UGT1A5: variants seen among roughly 807,000 people sequenced by gnomAD.
UGT1A5 encodes the protein UDP-glucuronosyltransferase 1A5.
In UGT1A5, 29 loss-of-function variants were observed where a neutral mutation model predicts 40.3. The observed-to-expected ratio is 0.72, with a 90% confidence interval of 0.54 to 0.98. UGT1A5 has a LOEUF of 0.98. Ranked by LOEUF, UGT1A5 falls within the 50% of genes least tolerant of loss-of-function variation. The pLI is 0.00. For synonymous variants in UGT1A5, 257 were observed against 262.5 expected (o/e 0.98, Z 0.20); for missense variants, 678 against 677.9 (o/e 1.00, Z 0.00).
rs759077293 is a variant in UGT1A5, at chr2:233,769,522, C to T, written c.1307+1083C>T. On this transcript the variant is annotated intron_variant, in intron 4 of 4. Transcript: ENST00000373414. The surrounding 1 kb of genome is among the most constrained non-coding windows in gnomAD (Gnocchi z 4.4). ...GTCCATTGCTTTCTCCCATGGTTAC[C>T]TCCTTTAGAAAGAAGCAGCAGTCAG... 1.2e-6 allele frequency: 2 copies of T among 1,612,844 alleles called. No individual in the cohort carries two copies. The highest frequency in any genetic ancestry group is 1.7e-6 in the Non-Finnish European group (2 of 1,179,866).
chr2:233,730,374 G>C (rs986236610), intron 1 of UGT1A5, among the ~76,000 whole-genome samples: 2 of 152,170 alleles, frequency 1.3e-5, no homozygotes, highest in African/African-American at 4.8e-5. Flanking sequence ...ATGATTTTCA[G>C]GGGAAAGATG....
In UGT1A5 at chr2:233,713,006, C is replaced by T. The variant is rs755278737; in HGVS notation, c.15C>T (p.Leu5=). The change falls in exon 1 of 5, where the codon CTC becomes CTT. Residue 5 remains leucine (L), a synonymous_variant. Coordinates refer to ENST00000373414, the MANE Select transcript of UGT1A5 (RefSeq NM_019078.2). The part of the protein sequence containing the change: MATG[L]QVPLPQLATG... ...CTTCTGCTGAGATGGCCACAGGACT[C>T]CAGGTTCCCCTGCCGCAGCTGGCCA... is the stretch of plus-strand genomic sequence containing the variant. The T allele has an allele frequency of 2.5e-6, 4 of 1,613,544 alleles. No individual in the cohort carries two copies. The highest frequency in any genetic ancestry group is 3.4e-6 in the Non-Finnish European group (4 of 1,180,026).
intron 1 of UGT1A5, among the ~76,000 whole-genome samples, chr2:233,725,356 T>C (rs148228009): frequency 7.0e-6 from 1 of 143,138 alleles, no homozygotes; most frequent in East Asian, 2.0e-4. Context: ...GAATGTTTCT[T>C]ATGAAGACAC....
intron 1 of UGT1A5, among the ~76,000 whole-genome samples, chr2:233,726,604 A>ACCCAGGAT (rs1166552006): frequency 1.2e-4 from 18 of 152,184 alleles, no homozygotes; most frequent in African/African-American, 4.3e-4. Flanking sequence ...TTGTGATTAC[A>ACCCAGGAT]CTGTCCTGCC....
intron 1 of UGT1A5, chr2:233,717,654 A>G (rs1175900251): frequency 1.5e-5 from 6 of 405,858 alleles, no homozygotes; most frequent in Admixed American, 1.3e-4. Flanking sequence ...CAGGACAAGG[A>G]AGCATCAGCA....
At chr2:233,763,651 C>T (rs1168041564) in intron 1 of UGT1A5, among the ~76,000 whole-genome samples, 2 of 152,174 alleles carry the variant, frequency 1.3e-5, no homozygotes, top group Non-Finnish European at 2.9e-5. Context: ...TCTCAATACT[C>T]TTGATAAAAC....
At chr2:233,717,743 G>T (rs182116418) in intron 1 of UGT1A5, 1 of 456,536 alleles carries the variant, frequency 2.2e-6, no homozygotes, top group East Asian at 6.9e-5. Context: ...AGTGCTCAGG[G>T]TCTCCCCCTA....
At position 233,772,407 on chromosome 2, in the gene UGT1A5, T is replaced by C. The variant is rs770903084; in HGVS notation, c.1453T>C (p.Tyr485His). The C allele has an allele frequency of 7.5e-5, 121 of 1,614,104 alleles. No individual in the cohort carries two copies. Among genetic ancestry groups the C allele is most frequent in the Non-Finnish European group, 9.9e-5 (117 of 1,180,046 alleles). ...CCCCGCAGCCCACGACCTCACCTGG[T>C]ACCAGTACCATTCCTTGGACGTGAT... The part of the protein sequence containing the change: ...LRPAAHDLTW[Y>H]QYHSLDVIGF... Residue 485 changes from tyrosine to histidine, a missense_variant, in exon 5 of 5, where the codon TAC becomes CAC. Transcript: ENST00000373414.
intron 1 of UGT1A5, chr2:233,756,417 G>T (rs1392251682): frequency 6.6e-6 from 1 of 151,810 alleles, no homozygotes; most frequent in Non-Finnish European, 1.5e-5. Context: ...TGTATTATTT[G>T]TACTGTTTTT....
intron 1 of UGT1A5, among the ~76,000 whole-genome samples, chr2:233,746,994 GT>G (rs1693533640): frequency 6.6e-6 from 1 of 151,864 alleles, no homozygotes; most frequent in South Asian, 2.1e-4. Flanking sequence ...GGTCAGATGA[GT>G]TTTTCAAGTA....
At position 233,769,451 on chromosome 2, in the gene UGT1A5, G is replaced by A; in HGVS notation, c.1307+1012G>A. On this transcript the variant is annotated intron_variant, in intron 4 of 4. Transcript: ENST00000373414. This position sits in a 1 kb window ranked among gnomAD's most constrained non-coding sequence, Gnocchi z 4.4. ...TGTGCTCATGTGTGGGTGCACACGT[G>A]TGCATTCATATGCGTGTGTGTGTGT... is the stretch of plus-strand genomic sequence containing the variant. 1 of 1,590,738 alleles carries A rather than the reference G, an allele frequency of 6.3e-7. No homozygotes were observed. Among genetic ancestry groups the A allele is most frequent in the Non-Finnish European group, 8.6e-7 (1 of 1,161,554 alleles).
chr2:233,729,818 A>G, intron 1 of UGT1A5: 1 of 1,613,812 alleles, frequency 6.2e-7, no homozygotes, highest in Non-Finnish European at 8.5e-7. Flanking sequence ...TCTGCTCCTT[A>G]TGCAAGCCTT....
At chr2:233,758,936 A>G (rs3755319) in intron 1 of UGT1A5, among the ~76,000 whole-genome samples, 2 of 152,038 alleles carry the variant, frequency 1.3e-5, no homozygotes, top group Non-Finnish European at 2.9e-5. Context: ...TTGACTTCAA[A>G]TCAGTCATCA....
At chr2:233,729,018 A>G in intron 1 of UGT1A5, 6 of 1,591,202 alleles carry the variant, frequency 3.8e-6, no homozygotes, top group Non-Finnish European at 5.1e-6. Context: ...TCTTCCAATT[A>G]CACGTTGATT....
chr2:233,739,208 T>A lies in UGT1A5; in HGVS notation c.867+25350T>A, dbSNP rs185605986. 2.6e-3 allele frequency among the ~76,000 whole-genome samples: 389 copies of A among 152,338 alleles called. 3 individuals are homozygous for A. Among genetic ancestry groups the A allele is most frequent in the Non-Finnish European group, 3.9e-3 (262 of 68,030 alleles). On this transcript the variant is annotated intron_variant, in intron 1 of 4. Coordinates refer to ENST00000373414, the MANE Select transcript of UGT1A5 (RefSeq NM_019078.2). ...GATGTCCAGGCAGACGTTTGCTGCA[T>A]GGATAGAGTCCTTATAGAGAACCTC...
intron 1 of UGT1A5, among the ~76,000 whole-genome samples, chr2:233,736,717 T>A (rs954698353): frequency 4.0e-5 from 6 of 151,034 alleles, no homozygotes; most frequent in Non-Finnish European, 3.0e-5. Flanking sequence ...GATGTCCTTT[T>A]TGTTGATGTT....
At position 233,713,658 on chromosome 2, in the gene UGT1A5, C is replaced by G. The variant is rs376312935; in HGVS notation, c.667C>G (p.Leu223Val). The change falls in exon 1 of 5, where the codon CTT (leucine) becomes GTT (valine). Residue 223 changes from leucine (L) to valine (V), a missense_variant. Transcript: ENST00000373414. ...GCTCTACCCTCTGGCCCTGTCCTAC[C>G]TTTGCCATGCTGTTTCTGCTCCTTA... ...NMLYPLALSY[L>V]CHAVSAPYAS... is the part of the protein sequence containing the mutation. 4 of 1,613,836 alleles carry G rather than the reference C, an allele frequency of 2.5e-6. No homozygotes were observed. The highest frequency in any genetic ancestry group is 2.5e-6 in the Non-Finnish European group (3 of 1,179,870).
At chr2:233,740,765 C>T (rs894944360) in intron 1 of UGT1A5, 8 of 151,662 alleles carry the variant, frequency 5.3e-5, no homozygotes, top group South Asian at 2.1e-4. Context: ...CTTATCAAAC[C>T]GTTGTATAAA....
intron 1 of UGT1A5, chr2:233,718,914 T>A: frequency 6.2e-7 from 1 of 1,614,066 alleles, no homozygotes; most frequent in Non-Finnish European, 8.5e-7. Context: ...TGGAAAGGTG[T>A]TGGTGGTGCC....
Sources: allele counts gnomAD v4.1 joint callset (sites outside exome capture counted in the v4.1 genomes callset), GRCh38; gene constraint gnomAD v4.1.1; non-coding constraint Gnocchi (gnomAD v3.1); transcripts MANE v1.5; gene names NCBI Gene and HGNC (gene_info 2026-07-23, HGNC 2026-07-21).